The following CDK12 variants were observed in gnomAD, a reference collection of about 807,000 sequenced individuals.
CDK12 encodes cyclin-dependent kinase 12.
Under a neutral mutation model 133.8 loss-of-function variants are expected in CDK12, and 17 were observed. That is an observed-to-expected ratio of 0.13 (90% confidence interval 0.09 to 0.19). CDK12 has a LOEUF of 0.19. Ranked by LOEUF, CDK12 falls within the 10% of genes least tolerant of loss-of-function variation. The pLI is 1.00. For synonymous variants in CDK12, 694 were observed against 683.6 expected, an observed-to-expected ratio of 1.02 and a Z score of -0.24; for missense variants, 1,508 against 1,818.7, an observed-to-expected ratio of 0.83 and a Z score of 3.11.
chr17:39,504,367 A>T (rs1883939259), intron 6 of CDK12, among the ~76,000 whole-genome samples: 1 of 152,188 alleles, frequency 6.6e-6, no homozygotes, highest in African/African-American at 2.4e-5. Flanking sequence ...TAGGAAGAAA[A>T]TAAGGAAAAT....
At chr17:39,485,053 C>G (rs2051004524) in intron 2 of CDK12, among the ~76,000 whole-genome samples, 1 of 151,724 alleles carries the variant, frequency 6.6e-6, no homozygotes, top group South Asian at 2.1e-4. Flanking sequence ...GCCTGTGGTC[C>G]CAGCTACTCG....
intron 2 of CDK12, among the ~76,000 whole-genome samples, chr17:39,476,963 C>G (rs1285393003): frequency 6.6e-6 from 1 of 151,328 alleles, no homozygotes; most frequent in African/African-American, 2.4e-5. Context: ...ATCCACCTGC[C>G]TCGGGCTTCC....
intron 2 of CDK12, among the ~76,000 whole-genome samples, chr17:39,554,557 C>G (rs1421383594): frequency 1.3e-5 from 2 of 152,124 alleles, no homozygotes. Context: ...ACTCCAGTCC[C>G]AGGGGCCTAT....
Position 39,517,379 on chromosome 17 carries a change from C to T in CDK12, c.2847-61C>T, listed in dbSNP as rs894431746. The T allele has an allele frequency of 5.2e-6, 5 of 954,634 alleles. No individual in the cohort carries two copies. The African/African-American group carries it at 6.5e-5, about 12-fold the overall frequency. The allele number at this position is 954,634 out of a possible 1,614,324, so 59.1% of individuals were successfully genotyped here. A position where few individuals can be genotyped will look rare whatever the true frequency, so the allele number is the denominator to read the frequency against. ...AGGTAATAATTTCTGCTTCTGAAAC[C>T]TCCGGAATTCATGATGTTGACTCAC... is the stretch of plus-strand genomic sequence containing the variant. On this transcript the variant is annotated intron_variant, in intron 9 of 13. Transcript: ENST00000447079.
chr17:39,563,391 T>TTC (rs71147359), intron 3 of CDK12, among the ~76,000 whole-genome samples: 16,981 of 146,686 alleles, frequency 0.12, 1,428 homozygotes, highest in African/African-American at 0.24. Context: ...GAACTCAATA[T>TTC]TCTCTCTCTC....
chr17:39,492,000 G>T (rs1314830932), intron 3 of CDK12, among the ~76,000 whole-genome samples: 5 of 143,792 alleles, frequency 3.5e-5, no homozygotes, highest in South Asian at 2.2e-4. Context: ...GGTGGCGCCT[G>T]CCTGTAGAGT....
At chr17:39,476,205 G>T (rs1444746552) in intron 2 of CDK12, among the ~76,000 whole-genome samples, 1 of 151,230 alleles carries the variant, frequency 6.6e-6, no homozygotes, top group African/African-American at 2.4e-5. Flanking sequence ...ACTTCCCAGG[G>T]TTCAAGCGAT....
At position 39,524,664 on chromosome 17, in the gene CDK12, C is replaced by T. The variant is rs976514236; in HGVS notation, c.3096-10C>T. 6.2e-7 allele frequency: 1 copy of T among 1,613,178 alleles called. No homozygotes were observed. Among genetic ancestry groups the T allele is most frequent in the Non-Finnish European group, 8.5e-7 (1 of 1,179,200 alleles). ...CTTACATATTTCCCCTTTGCTTTGT[C>T]TTTTTCCAGCCTCCCCCACTGGCAG... On this transcript the variant is annotated splice_polypyrimidine_tract_variant and intron_variant, in intron 11 of 13. Transcript: ENST00000447079.
chr17:39,462,298 T>C lies in CDK12; in HGVS notation c.227T>C (p.Ile76Thr), dbSNP rs2049012565. 1 of 1,614,110 alleles carries C rather than the reference T, an allele frequency of 6.2e-7. No individual in the cohort carries two copies. The highest frequency in any genetic ancestry group is 8.5e-7 in the Non-Finnish European group (1 of 1,180,024). ...VIKPLVEYDD[I>T]SSDSDTFSDD... Reference sequence around the variant, plus strand: ...AAACCTTTGGTGGAGTATGATGATATCAGCTCTGATTCCGACACCTTCTCC... The same window carrying C: ...AAACCTTTGGTGGAGTATGATGATACCAGCTCTGATTCCGACACCTTCTCC... Residue 76 changes from isoleucine to threonine, a missense_variant, in exon 1 of 14, where the codon ATC (isoleucine) becomes ACC (threonine). Physicochemically the swap from Ile to Thr is moderately conservative, Grantham distance 89. Coordinates refer to ENST00000447079, the MANE Select transcript of CDK12 (RefSeq NM_016507.4).
chr17:39,515,965 G>T lies in CDK12; in HGVS notation c.2846+157G>T, dbSNP rs8071275. ...AGGTTTACCATATATTTTGTCATAG[G>T]CTATACATATAAAGAAGTTTTATTT... On this transcript the variant is annotated intron_variant, in intron 9 of 13. Transcript: ENST00000447079. Among the ~76,000 whole-genome samples, 4,913 of 152,176 alleles carry T rather than the reference G, an allele frequency of 0.032. 276 individuals are homozygous for T. The highest frequency in any genetic ancestry group is 0.11 in the African/African-American group (4,695 of 41,492).
intron 5 of CDK12, among the ~76,000 whole-genome samples, chr17:39,498,598 C>G (rs1002075526): frequency 3.3e-5 from 5 of 152,102 alleles, no homozygotes; most frequent in Non-Finnish European, 5.9e-5. Context: ...GGTGCAATCA[C>G]AGCTTATTGT....
upstream of CDK12, chr17:39,546,739 C>T (rs1338276681): frequency 6.6e-6 from 1 of 152,226 alleles, no homozygotes; most frequent in Non-Finnish European, 1.5e-5. Context: ...TGTGTCTACC[C>T]CCACCTTTCT....
In CDK12 at chr17:39,534,536, G is replaced by A. The variant is rs1210985148; in HGVS notation, c.*3220G>A. On this transcript the variant is annotated 3_prime_UTR_variant, in exon 14 of 14. Transcript: ENST00000447079. ...GAGATTGGAAAATTAAATATTTCCT[G>A]TTACTATACCACTTTTGCTCCATTG... 4.3e-6 allele frequency: 1 copy of A among 231,678 alleles called. No individual in the cohort carries two copies. The highest frequency in any genetic ancestry group is 8.5e-6 in the Non-Finnish European group (1 of 117,108). 14.4% of individuals were successfully genotyped at this position (231,678 alleles called of 1,614,324 possible). A position where few individuals can be genotyped will look rare whatever the true frequency, so the allele number is the denominator to read the frequency against.
At chr17:39,467,639 A>G (rs73983295) in intron 1 of CDK12, among the ~76,000 whole-genome samples, 102 of 152,314 alleles carry the variant, frequency 6.7e-4, no homozygotes, top group African/African-American at 2.4e-3. Context: ...CATGCTGACT[A>G]AAACAGTAGT....
In CDK12 at chr17:39,510,945, G is replaced by A. The variant is rs1227735485; in HGVS notation, c.2667-584G>A. On this transcript the variant is annotated intron_variant, in intron 7 of 13. Coordinates refer to ENST00000447079, the MANE Select transcript of CDK12 (RefSeq NM_016507.4). Reference sequence around the variant, plus strand: ...TTTTTTTTTTAATAGGCCAGGCGTGGTGGCTCACGCCCGTAATCCCAGCAC... The same window carrying A: ...TTTTTTTTTTAATAGGCCAGGCGTGATGGCTCACGCCCGTAATCCCAGCAC... Among the ~76,000 whole-genome samples, 10 of 134,688 alleles carry A rather than the reference G, an allele frequency of 7.4e-5. No homozygotes were observed. In the Middle Eastern group the frequency reaches 0.013, roughly 171 times the overall value. 88.4% of individuals were successfully genotyped at this position (134,688 alleles called of 152,430 possible). A position where few individuals can be genotyped will look rare whatever the true frequency, so the allele number is the denominator to read the frequency against.
chr17:39,482,015 CTT>C (rs56340258), intron 2 of CDK12, among the ~76,000 whole-genome samples: 7 of 96,214 alleles, frequency 7.3e-5, no homozygotes, highest in Non-Finnish European at 4.4e-5. Flanking sequence ...CCTGGCTTGC[CTT>C]TTTTTTTTTT....
intron 1 of CDK12, among the ~76,000 whole-genome samples, chr17:39,463,547 A>G (rs146927508): frequency 3.9e-5 from 6 of 152,216 alleles, no homozygotes; most frequent in African/African-American, 1.2e-4. Flanking sequence ...TTACTTGCCT[A>G]GTTTATCCTA....
chr17:39,526,350 A>C, intron 13 of CDK12, 34 bp downstream of exon 13: 3 of 1,491,134 alleles, frequency 2.0e-6, no homozygotes, highest in Non-Finnish European at 2.7e-6. Context: ...CATTGAGCTC[A>C]GGTGCTGTTG....
chr17:39,508,987 G>A (rs1228536612), intron 6 of CDK12, among the ~76,000 whole-genome samples: 2 of 117,752 alleles, frequency 1.7e-5, no homozygotes, highest in South Asian at 6.1e-4. Context: ...AATAGAGTGA[G>A]ACTCTGTCTC....
Sources: allele counts gnomAD v4.1 joint callset (sites outside exome capture counted in the v4.1 genomes callset), GRCh38; gene constraint gnomAD v4.1.1; transcripts MANE v1.5; gene names NCBI Gene and HGNC (gene_info 2026-07-23, HGNC 2026-07-21).